The following RAD51B variants were observed in gnomAD, a reference collection of about 807,000 sequenced individuals.
RAD51B encodes the protein DNA repair protein RAD51 homolog 2.
A neutral mutation model predicts 42.2 loss-of-function variants in RAD51B; 38 were observed. That is an observed-to-expected ratio of 0.90 (90% CI 0.70 to 1.18). The LOEUF is 1.18. RAD51B is among the 50% of genes most tolerant of loss of function. The probability of loss-of-function intolerance (pLI) is 0.00; values close to 1 mark genes in which losing one functional copy is unlikely to be tolerated. For synonymous variants in RAD51B, 154 were observed against 145.2 expected (o/e 1.06, Z -0.43); for missense variants, 373 against 400.7 (o/e 0.93, Z 0.59).
intron 7 of RAD51B, among the ~76,000 whole-genome samples, chr14:67,976,100 A>AT (rs11285889): frequency 1.2e-3 from 173 of 142,934 alleles, no homozygotes; most frequent in East Asian, 2.9e-3. Context: ...TTTTCGCTTG[A>AT]TTTTTTTTTT....
At chr14:67,972,591 A>G (rs940727693) in intron 7 of RAD51B, among the ~76,000 whole-genome samples, 1 of 152,148 alleles carries the variant, frequency 6.6e-6, no homozygotes, top group Non-Finnish European at 1.5e-5. Context: ...CAAGAATTCA[A>G]ATACTTTCTA....
chr14:68,110,445 G>A (rs532402875), intron 7 of RAD51B, among the ~76,000 whole-genome samples: 12 of 152,062 alleles, frequency 7.9e-5, no homozygotes, highest in African/African-American at 2.9e-4. Flanking sequence ...TCCTGCCTTG[G>A]TTGAAAGGAA....
chr14:68,317,787 G>C (rs2082089410), intron 8 of RAD51B, among the ~76,000 whole-genome samples: 1 of 152,204 alleles, frequency 6.6e-6, no homozygotes, highest in African/African-American at 2.4e-5. Context: ...CTTTTGCCCG[G>C]CATGGGTAAA....
At chr14:68,028,882 T>C (rs1458844032) in intron 7 of RAD51B, among the ~76,000 whole-genome samples, 1 of 152,218 alleles carries the variant, frequency 6.6e-6, no homozygotes, top group Non-Finnish European at 1.5e-5. Context: ...ATGGCTGTGC[T>C]CTGCTGGCCT....
chr14:67,888,090 T>A (rs1428471524), intron 7 of RAD51B, among the ~76,000 whole-genome samples: 4 of 152,200 alleles, frequency 2.6e-5, no homozygotes, highest in Non-Finnish European at 5.9e-5. Flanking sequence ...GTATAAATAA[T>A]ATAAACTATC....
At chr14:68,050,556 A>G (rs2076375734) in intron 7 of RAD51B, among the ~76,000 whole-genome samples, 1 of 152,218 alleles carries the variant, frequency 6.6e-6, no homozygotes, top group Non-Finnish European at 1.5e-5. Context: ...GTAGTCCACC[A>G]TCAAAATTTT....
chr14:68,108,415 A>G (rs765261196), intron 7 of RAD51B, among the ~76,000 whole-genome samples: 1 of 152,054 alleles, frequency 6.6e-6, no homozygotes, highest in Non-Finnish European at 1.5e-5. Flanking sequence ...GTATATTTGT[A>G]CAGTGAAATA....
intron 7 of RAD51B, among the ~76,000 whole-genome samples, chr14:68,035,477 C>T (rs1481070428): frequency 1.3e-5 from 2 of 152,020 alleles, no homozygotes. Context: ...TGCTAATATG[C>T]AAGGAAAGGC....
intron 7 of RAD51B, among the ~76,000 whole-genome samples, chr14:68,057,138 G>C (rs980082420): frequency 3.3e-5 from 5 of 151,960 alleles, no homozygotes; most frequent in South Asian, 2.1e-4. Context: ...GGGTTGGGTG[G>C]AGTAGGCTCA....
chr14:68,675,319 C>G (rs1004584069), intron 11 of RAD51B, among the ~76,000 whole-genome samples: 1 of 152,150 alleles, frequency 6.6e-6, no homozygotes, highest in Non-Finnish European at 1.5e-5. Flanking sequence ...CTGAACTTAT[C>G]TGGCACAGAT....
chr14:68,273,403 A>T (rs2139595675), intron 7 of RAD51B, among the ~76,000 whole-genome samples: 1 of 152,352 alleles, frequency 6.6e-6, no homozygotes, highest in Non-Finnish European at 1.5e-5. Flanking sequence ...ATGCCAAATT[A>T]TTGATCCTAC....
intron 7 of RAD51B, among the ~76,000 whole-genome samples, chr14:68,074,909 A>G (rs1201527462): frequency 6.6e-6 from 1 of 152,190 alleles, no homozygotes; most frequent in Non-Finnish European, 1.5e-5. Flanking sequence ...ATTTCCTTGC[A>G]TGTGCAGCTG....
chr14:68,112,776 T>A (rs1457725028), intron 7 of RAD51B, among the ~76,000 whole-genome samples: 1 of 152,136 alleles, frequency 6.6e-6, no homozygotes, highest in African/African-American at 2.4e-5. Flanking sequence ...TGCTAGATGC[T>A]TTTTGAGCTA....
At chr14:67,860,736 T>G (rs986382) in intron 4 of RAD51B, among the ~76,000 whole-genome samples, 68,071 of 151,928 alleles carry the variant, frequency 0.45, 17,070 homozygotes, top group African/African-American at 0.66. Flanking sequence ...AGTAAAAATT[T>G]TAAATGCAGA....
chr14:67,985,476 C>G (rs778156286), intron 7 of RAD51B, among the ~76,000 whole-genome samples: 1 of 152,148 alleles, frequency 6.6e-6, no homozygotes, highest in Non-Finnish European at 1.5e-5. Context: ...CCTATTGTCC[C>G]TTTATGACCT....
chr14:68,549,157 C>T (rs192337519), intron 10 of RAD51B, among the ~76,000 whole-genome samples: 1 of 152,076 alleles, frequency 6.6e-6, no homozygotes, highest in Admixed American at 6.5e-5. Context: ...TCTGTCTTAT[C>T]TCCTCAGGAC....
At chr14:68,278,416 C>T (rs1401427784) in intron 7 of RAD51B, among the ~76,000 whole-genome samples, 1 of 152,298 alleles carries the variant, frequency 6.6e-6, no homozygotes, top group East Asian at 1.9e-4. Flanking sequence ...TCACCTACCT[C>T]ATGGTGTTAC....
intron 10 of RAD51B, among the ~76,000 whole-genome samples, chr14:68,515,440 C>A (rs963539078): frequency 8.0e-6 from 1 of 124,736 alleles, no homozygotes. Flanking sequence ...TCTTCTTCTT[C>A]TTCTTTTTTT....
chr14:68,682,998 C>A, intron 11 of RAD51B: 1 of 982,598 alleles, frequency 1.0e-6, no homozygotes, highest in Non-Finnish European at 1.2e-6. Flanking sequence ...CCATTAGTCA[C>A]GCAGCAGCAT....
Sources: allele counts gnomAD v4.1 joint callset (sites outside exome capture counted in the v4.1 genomes callset), GRCh38; gene constraint gnomAD v4.1.1; transcripts MANE v1.5; gene names NCBI Gene and HGNC (gene_info 2026-07-23, HGNC 2026-07-21).